Variants in ARHGEF3 observed in about 807,000 individuals in gnomAD.
ARHGEF3 encodes the protein Rho guanine nucleotide exchange factor 3.
In ARHGEF3, 28 loss-of-function variants were observed where a neutral mutation model predicts 63.2. That is an observed-to-expected ratio of 0.44 (90% CI 0.33 to 0.61). The LOEUF is 0.61. Among genes scored for constraint, ARHGEF3 ranks in the 20% least tolerant of loss-of-function variants. The pLI, the probability that ARHGEF3 is intolerant of heterozygous loss-of-function variation, is 0.03. For synonymous variants in ARHGEF3, 266 were observed against 254.2 expected, an observed-to-expected ratio of 1.05 and a Z score of -0.44; for missense variants, 533 against 659.3, an observed-to-expected ratio of 0.81 and a Z score of 2.10.
chr3:56,776,034 T>C (rs2036268931), intron 1 of ARHGEF3, among the ~76,000 whole-genome samples: 1 of 152,194 alleles, frequency 6.6e-6, no homozygotes, highest in Admixed American at 6.5e-5. Context: ...CACAGATTTT[T>C]ATATCAGAAT....
rs1207114629 is a variant in ARHGEF3, at chr3:57,042,682, ATATATATATATATATATATT to A, written c.-27-7526_-27-7507del. 0.013 allele frequency among the ~76,000 whole-genome samples: 217 copies of A among 17,310 alleles called. 20 individuals are homozygous for A. In the East Asian group the frequency reaches 0.2, roughly 16 times the overall value. The allele number at this position is 17,310 out of a possible 152,430, so 11.4% of individuals were successfully genotyped here. A position where few individuals can be genotyped will look rare whatever the true frequency, so the allele number is the denominator to read the frequency against. ...TATATATATATATATATATATATAT[ATATATATATATATATATATT>A]TTTTTTTTTTTTTAGACGGAGTCTC... On this transcript the variant is annotated intron_variant, in intron 1 of 12. Transcript: ENST00000338458.
chr3:56,795,116 C>G (rs1180733742), intron 1 of ARHGEF3, among the ~76,000 whole-genome samples: 2 of 151,890 alleles, frequency 1.3e-5, no homozygotes, highest in African/African-American at 4.8e-5. Flanking sequence ...CCTGCTGCCT[C>G]TGCTTCCCAA....
intron 3 of ARHGEF3, among the ~76,000 whole-genome samples, chr3:56,944,162 G>T (rs533349994): frequency 6.6e-6 from 1 of 152,276 alleles, no homozygotes; most frequent in East Asian, 1.9e-4. Flanking sequence ...GACAGAGCGA[G>T]ATTCAGTCTC....
At chr3:57,019,706 G>T (rs2107155427) in intron 2 of ARHGEF3, among the ~76,000 whole-genome samples, 1 of 152,218 alleles carries the variant, frequency 6.6e-6, no homozygotes, top group Middle Eastern at 3.4e-3. Context: ...TCCCATCCAA[G>T]ACACCTTTTT....
intron 2 of ARHGEF3, among the ~76,000 whole-genome samples, chr3:57,016,264 A>C (rs1227365629): frequency 6.6e-6 from 1 of 151,940 alleles, no homozygotes; most frequent in Non-Finnish European, 1.5e-5. Flanking sequence ...GCTTGCAAGA[A>C]TGACAAAAAC....
intron 3 of ARHGEF3, among the ~76,000 whole-genome samples, chr3:56,920,282 A>G (rs1364168235): frequency 6.6e-6 from 1 of 152,224 alleles, no homozygotes; most frequent in African/African-American, 2.4e-5. Context: ...TGGTTAAATA[A>G]CCAAACTGGT....
chr3:56,937,042 G>C (rs537119760), intron 3 of ARHGEF3, among the ~76,000 whole-genome samples: 1 of 152,226 alleles, frequency 6.6e-6, no homozygotes, highest in African/African-American at 2.4e-5. Context: ...AAGACAAATT[G>C]GTCTTTTCAA....
chr3:57,025,488 C>T (rs1703434865), intron 2 of ARHGEF3, among the ~76,000 whole-genome samples: 9 of 152,314 alleles, frequency 5.9e-5, no homozygotes, highest in Middle Eastern at 3.4e-3. Flanking sequence ...AGTGATTGCA[C>T]ACATCTCAGT....
chr3:56,761,488 T>C (rs550870881), intron 2 of ARHGEF3, among the ~76,000 whole-genome samples: 1 of 152,286 alleles, frequency 6.6e-6, no homozygotes, highest in East Asian at 1.9e-4. Context: ...GGTTTGTTTG[T>C]TTCTTTCATG....
chr3:56,816,865 A>G (rs1655854450), intron 4 of ARHGEF3, among the ~76,000 whole-genome samples: 1 of 152,202 alleles, frequency 6.6e-6, no homozygotes, highest in African/African-American at 2.4e-5. Context: ...CTGAGGCCAG[A>G]GCCTATGATG....
intron 1 of ARHGEF3, among the ~76,000 whole-genome samples, chr3:57,045,389 T>G (rs1000563026): frequency 2.6e-5 from 4 of 152,212 alleles, no homozygotes; most frequent in African/African-American, 9.7e-5. Context: ...GCTTATGGAT[T>G]CATGGAGGAC....
At chr3:56,873,101 T>G (rs1045275469) in intron 4 of ARHGEF3, among the ~76,000 whole-genome samples, 4 of 151,836 alleles carry the variant, frequency 2.6e-5, no homozygotes, top group African/African-American at 7.3e-5. Context: ...TGGGCTCAGG[T>G]GATCCTCCCA....
chr3:56,769,418 T>C (rs2035888844), intron 2 of ARHGEF3, among the ~76,000 whole-genome samples: 1 of 152,234 alleles, frequency 6.6e-6, no homozygotes, highest in Admixed American at 6.5e-5. Flanking sequence ...TGCTTGAGTC[T>C]ACCGGCAGTG....
At chr3:57,017,027 C>G (rs1163066476) in intron 2 of ARHGEF3, among the ~76,000 whole-genome samples, 1 of 113,404 alleles carries the variant, frequency 8.8e-6, no homozygotes, top group Non-Finnish European at 1.9e-5. Context: ...CTCTCTCTCT[C>G]TCTCTCACAC....
intron 2 of ARHGEF3, among the ~76,000 whole-genome samples, chr3:56,988,771 C>A (rs1701635851): frequency 6.6e-6 from 1 of 152,062 alleles, no homozygotes; most frequent in South Asian, 2.1e-4. Flanking sequence ...CATCTGGAGC[C>A]CAGTATTAAT....
chr3:56,902,616 T>C (rs1284437078), intron 3 of ARHGEF3, among the ~76,000 whole-genome samples: 4 of 151,996 alleles, frequency 2.6e-5, no homozygotes, highest in African/African-American at 9.7e-5. Flanking sequence ...AAGTACTGAG[T>C]TTCGAGATGA....
At chr3:57,040,641 T>C (rs887118745) in intron 1 of ARHGEF3, among the ~76,000 whole-genome samples, 3 of 151,958 alleles carry the variant, frequency 2.0e-5, no homozygotes, top group African/African-American at 7.3e-5. Flanking sequence ...GTATGATCCA[T>C]TTGTGAAAAC....
At chr3:56,806,834 C>A (rs970226507), upstream of ARHGEF3, among the ~76,000 whole-genome samples, 3 of 129,960 alleles carry the variant, frequency 2.3e-5, no homozygotes, top group African/African-American at 7.3e-5. Flanking sequence ...TCTCAGCCAA[C>A]AGGACAATGC....
rs530337739 is a variant in ARHGEF3, at chr3:57,013,208, C to T, written c.62+21880G>A. On this transcript the variant is annotated intron_variant, in intron 2 of 12. Transcript: ENST00000338458. ...CCCAGACAGGCACTGCCCCCTGCTC[C>T]ATGGTGCCCATCCCATCGACGGCCC... Among the ~76,000 whole-genome samples, 6 of 152,372 alleles carry T rather than the reference C, an allele frequency of 3.9e-5. No homozygotes were observed. In the South Asian group the frequency reaches 1.2e-3, roughly 32 times the overall value.
Sources: gnomAD v4.1 joint callset for allele counts (sites outside exome capture counted in the v4.1 genomes callset) on GRCh38, gnomAD v4.1.1 for gene constraint, MANE v1.5 for transcripts, NCBI Gene and HGNC (gene_info 2026-07-23, HGNC 2026-07-21) for gene names.